The following ZBTB20 variants were observed in gnomAD, a reference collection of about 807,000 sequenced individuals.
ZBTB20 encodes the protein zinc finger and BTB domain-containing protein 20.
ZBTB20 carries 9 observed loss-of-function variants against 56.9 expected under a neutral mutation model. The ratio of observed to expected loss-of-function variants is 0.16; its 90% confidence interval spans 0.10 to 0.28. The LOEUF (loss-of-function observed/expected upper bound fraction) is 0.28, where lower values mean the gene tolerates loss of function less well. Ranked by LOEUF, ZBTB20 falls within the 10% of genes least tolerant of loss-of-function variation. The probability of loss-of-function intolerance (pLI) is 1.00; values close to 1 mark genes in which losing one functional copy is unlikely to be tolerated. For synonymous variants in ZBTB20, 417 were observed against 420.7 expected (o/e 0.99, Z 0.11); for missense variants, 655 against 1,003.0 (o/e 0.65, Z 4.69).
At chr3:114,920,796 C>G (rs2075927596) in intron 3 of ZBTB20, among the ~76,000 whole-genome samples, 1 of 151,752 alleles carries the variant, frequency 6.6e-6, no homozygotes, top group Non-Finnish European at 1.5e-5. Context: ...TAGAAAAGAT[C>G]AGTAAACCTA....
chr3:114,580,865 T>C (rs1277389629), intron 6 of ZBTB20, among the ~76,000 whole-genome samples: 1 of 151,862 alleles, frequency 6.6e-6, no homozygotes, highest in Non-Finnish European at 1.5e-5. Flanking sequence ...AAAATGTCAA[T>C]TCTCCCCAGA....
chr3:115,016,604 G>A (rs540718155), intron 2 of ZBTB20, among the ~76,000 whole-genome samples: 19 of 151,664 alleles, frequency 1.3e-4, no homozygotes, highest in African/African-American at 3.6e-4. Context: ...CAGGTTTGTC[G>A]AAGATCAGAT....
At chr3:114,472,265 A>G (rs193289915) in intron 7 of ZBTB20, among the ~76,000 whole-genome samples, 1 of 152,190 alleles carries the variant, frequency 6.6e-6, no homozygotes, top group Non-Finnish European at 1.5e-5. Context: ...TGGGACGTCA[A>G]AATTTTGCCT....
intron 5 of ZBTB20, among the ~76,000 whole-genome samples, chr3:114,707,082 A>G (rs1034634874): frequency 2.0e-5 from 3 of 152,150 alleles, no homozygotes; most frequent in African/African-American, 7.2e-5. Flanking sequence ...TGCTATCCCA[A>G]TAACACACAC....
At chr3:114,966,067 A>G (rs2077636524) in intron 3 of ZBTB20, among the ~76,000 whole-genome samples, 1 of 152,190 alleles carries the variant, frequency 6.6e-6, no homozygotes, top group African/African-American at 2.4e-5. Context: ...CATCCAAACT[A>G]CCTAATCAGA....
rs2078656535 is a variant in ZBTB20 at position 114,315,691 on chromosome 3, A to C, written c.*23314T>G. 1 of 148,350 alleles carries C rather than the reference A, an allele frequency of 6.7e-6. No individual in the cohort carries two copies. The highest frequency in any genetic ancestry group is 2.2e-4 in the South Asian group (1 of 4,606). 9.2% of individuals were successfully genotyped at this position (148,350 alleles called of 1,614,324 possible). On this transcript the variant is annotated 3_prime_UTR_variant, in exon 12 of 12. Transcript: ENST00000675478. ...TAAGAAACATTTCTGTGCAGGGAAAAAGGTTTCTTCGAATCTTATCACAAC... is the reference window on the plus strand; with the variant it reads ...TAAGAAACATTTCTGTGCAGGGAAACAGGTTTCTTCGAATCTTATCACAAC...
chr3:114,597,636 G>A (rs2056426325), intron 6 of ZBTB20, among the ~76,000 whole-genome samples: 2 of 152,038 alleles, frequency 1.3e-5, no homozygotes, highest in African/African-American at 2.4e-5. Context: ...AAAGCACATG[G>A]GTAAGTTTTC....
chr3:114,518,211 T>C (rs1343562436), intron 6 of ZBTB20, among the ~76,000 whole-genome samples: 3 of 152,052 alleles, frequency 2.0e-5, no homozygotes, highest in African/African-American at 7.2e-5. Flanking sequence ...CCTCATCCCC[T>C]TTCAACCATG....
intron 1 of ZBTB20, among the ~76,000 whole-genome samples, chr3:115,139,647 T>G (rs1182434353): frequency 6.6e-6 from 1 of 152,006 alleles, no homozygotes; most frequent in African/African-American, 2.4e-5. Flanking sequence ...GAGAAGAGAA[T>G]CACAAAACCA....
intron 5 of ZBTB20, among the ~76,000 whole-genome samples, chr3:114,695,418 G>A (rs1157814498): frequency 1.3e-5 from 2 of 151,832 alleles, no homozygotes; most frequent in African/African-American, 4.8e-5. Flanking sequence ...GGCACACATC[G>A]AGATTTGAAA....
chr3:114,655,279 T>A (rs1235612701), intron 6 of ZBTB20, among the ~76,000 whole-genome samples: 1 of 139,064 alleles, frequency 7.2e-6, no homozygotes, highest in Non-Finnish European at 1.5e-5. Flanking sequence ...GGAGTCTCGC[T>A]TTGTCGCCCA....
chr3:114,976,858 A>C (rs1293474198), intron 2 of ZBTB20, among the ~76,000 whole-genome samples: 1 of 152,146 alleles, frequency 6.6e-6, no homozygotes, highest in Non-Finnish European at 1.5e-5. Context: ...CTCAATAAAC[A>C]CTTAGAGAAC....
intron 5 of ZBTB20, among the ~76,000 whole-genome samples, chr3:114,731,757 C>T (rs1274220): frequency 0.85 from 68,113 of 79,936 alleles, 33,253 homozygotes; most frequent in East Asian, 0.97. Context: ...TAGTAACTAA[C>T]CCGGCTGTAC....
At chr3:114,832,102 G>A (rs1462313508) in intron 4 of ZBTB20, among the ~76,000 whole-genome samples, 1 of 152,058 alleles carries the variant, frequency 6.6e-6, no homozygotes, top group Non-Finnish European at 1.5e-5. Context: ...AGCACAGAGA[G>A]GAATTTAATG....
In ZBTB20 at chr3:114,351,170, G is replaced by C. The variant is rs1205527020; in HGVS notation, c.908C>G (p.Ser303Cys). The change falls in exon 11 of 12, where the codon TCC (serine) becomes TGC (cysteine). Residue 303 changes from serine (S) to cysteine (C), a missense_variant. Transcript: ENST00000675478. Reference sequence around the variant, plus strand: ...GCAGTGCGTGGTCTCGGGGGTGGTGGACAGGTAGCGCTCCATCTGCTGCGA... The same window carrying C: ...GCAGTGCGTGGTCTCGGGGGTGGTGCACAGGTAGCGCTCCATCTGCTGCGA... Reference protein sequence around the residue: ...ERSQQMERYLSTTPETTHCRK... With the variant: ...ERSQQMERYLCTTPETTHCRK... The C allele has an allele frequency of 4.4e-6, 7 of 1,602,758 alleles. No individual in the cohort carries two copies. Among genetic ancestry groups the C allele is most frequent in the Non-Finnish European group, 5.9e-6 (7 of 1,179,846 alleles).
intron 4 of ZBTB20, among the ~76,000 whole-genome samples, chr3:114,837,576 T>C (rs887770733): frequency 3.9e-5 from 6 of 152,076 alleles, no homozygotes; most frequent in African/African-American, 1.4e-4. Flanking sequence ...GTGAAGGTCT[T>C]CACACAGGGG....
chr3:114,356,774 T>C (rs1474339114), intron 10 of ZBTB20, among the ~76,000 whole-genome samples: 2 of 140,628 alleles, frequency 1.4e-5, no homozygotes, highest in African/African-American at 4.9e-5. Context: ...ACATGTACTT[T>C]ACCTCCTCAT....
intron 4 of ZBTB20, among the ~76,000 whole-genome samples, chr3:114,804,895 A>G (rs913881227): frequency 2.6e-5 from 4 of 151,942 alleles, no homozygotes; most frequent in Non-Finnish European, 4.4e-5. Context: ...TAATGTCATT[A>G]AATATCCTGT....
intron 5 of ZBTB20, among the ~76,000 whole-genome samples, chr3:114,788,548 A>C (rs1431949037): frequency 1.3e-5 from 2 of 152,098 alleles, no homozygotes; most frequent in Non-Finnish European, 2.9e-5. Context: ...TTGTTAATCC[A>C]TTTGTCCATT....
Sources: allele counts gnomAD v4.1 joint callset (sites outside exome capture counted in the v4.1 genomes callset), GRCh38; gene constraint gnomAD v4.1.1; transcripts MANE v1.5; gene names NCBI Gene and HGNC (gene_info 2026-07-23, HGNC 2026-07-21).